Variants in SWI5 observed in about 807,000 individuals in gnomAD.
SWI5 encodes the protein DNA repair protein SWI5 homolog.
Under a neutral mutation model 17.0 loss-of-function variants are expected in SWI5, and 12 were observed. The observed-to-expected ratio is 0.71, with a 90% CI of 0.45 to 1.14. SWI5 has a LOEUF of 1.14. Ranked by LOEUF, SWI5 falls within the 50% of genes most tolerant of loss-of-function variation. The pLI is 0.00. For missense variants in SWI5, 158 were observed against 162.2 expected, an observed-to-expected ratio of 0.97 and a Z score of 0.14; for synonymous variants, 61 against 64.0, an observed-to-expected ratio of 0.95 and a Z score of 0.22.
intron 2 of SWI5, among the ~76,000 whole-genome samples, chr9:128,284,040 G>A (rs1473664488): frequency 6.6e-6 from 1 of 152,008 alleles, no homozygotes; most frequent in Non-Finnish European, 1.5e-5. Context: ...GCTCATGCCT[G>A]TAATCCCAGC....
chr9:128,288,729 C>T (rs756115493), exon 5 of SWI5: 34 of 1,614,010 alleles, frequency 2.1e-5, no homozygotes, highest in Non-Finnish European at 2.7e-5. Flanking sequence ...AGGCTCATCG[C>T]CCCTTGTCCA....
At chr9:128,281,436 T>G (rs951026950) in intron 2 of SWI5, among the ~76,000 whole-genome samples, 1 of 152,092 alleles carries the variant, frequency 6.6e-6, no homozygotes, top group African/African-American at 2.4e-5. Context: ...CTTCCACCTT[T>G]CTGCCAAGCT....
chr9:128,284,181 C>T (rs1051583943), intron 2 of SWI5, among the ~76,000 whole-genome samples: 60 of 148,832 alleles, frequency 4.0e-4, no homozygotes, highest in African/African-American at 1.1e-3. Flanking sequence ...CCCAGCTACT[C>T]GGGAGGCTGA....
intron 2 of SWI5, among the ~76,000 whole-genome samples, chr9:128,279,237 C>T (rs888837202): frequency 1.3e-5 from 2 of 152,182 alleles, no homozygotes; most frequent in African/African-American, 2.4e-5. Flanking sequence ...TCCAGCCCTA[C>T]GGGGCTTGGT....
exon 5 of SWI5, chr9:128,288,761 TG>T (rs1831689674): frequency 6.2e-7 from 1 of 1,604,942 alleles, no homozygotes; most frequent in Admixed American, 1.7e-5. Flanking sequence ...GACAGAAGGG[TG>T]TGGACATGAT....
intron 4 of SWI5, among the ~76,000 whole-genome samples, chr9:128,287,098 G>T (rs1458637282): frequency 7.1e-6 from 1 of 141,632 alleles, no homozygotes; most frequent in African/African-American, 2.7e-5. Flanking sequence ...CTGAGATCAT[G>T]CCATTGCACT....
intron 1 of SWI5, 117 bp downstream of exon 1, chr9:128,276,519 G>C (rs1359571321): frequency 1.1e-5 from 17 of 1,567,222 alleles, no homozygotes; most frequent in Non-Finnish European, 1.4e-5. Flanking sequence ...GACAACCCCC[G>C]TCTCAGAACG....
chr9:128,288,420 G>A (rs1831681852), intron 4 of SWI5, among the ~76,000 whole-genome samples: 1 of 152,210 alleles, frequency 6.6e-6, no homozygotes, highest in South Asian at 2.1e-4. Flanking sequence ...TGAATACAGT[G>A]GCTGGCACAT....
At chr9:128,275,582 T>G, upstream of SWI5, 1 of 1,079,230 alleles carries the variant, frequency 9.3e-7, no homozygotes, top group Non-Finnish European at 1.2e-6. Context: ...GCTGGGGTCC[T>G]AGGTCCTTGG....
chr9:128,277,538 A>G (rs1468739017), intron 2 of SWI5, among the ~76,000 whole-genome samples: 1 of 152,218 alleles, frequency 6.6e-6, no homozygotes, highest in Non-Finnish European at 1.5e-5. Flanking sequence ...TGGACAACAG[A>G]GCTAGACAAG....
chr9:128,278,215 C>T (rs1306605263), intron 2 of SWI5, among the ~76,000 whole-genome samples: 1 of 152,076 alleles, frequency 6.6e-6, no homozygotes, highest in East Asian at 1.9e-4. Flanking sequence ...CTCGGCCTCC[C>T]AAAGTGCTGG....
chr9:128,282,065 C>T (rs1469017904), intron 2 of SWI5, among the ~76,000 whole-genome samples: 1 of 152,050 alleles, frequency 6.6e-6, no homozygotes, highest in African/African-American at 2.4e-5. Flanking sequence ...GATGACAGAG[C>T]GAGACAGACC....
At chr9:128,287,219 G>A (rs1787047137) in intron 4 of SWI5, among the ~76,000 whole-genome samples, 1 of 151,158 alleles carries the variant, frequency 6.6e-6, no homozygotes, top group Non-Finnish European at 1.5e-5. Context: ...GGCCGAGGCA[G>A]GTGGATGACA....
intron 2 of SWI5, chr9:128,278,769 T>G (rs1011393780): frequency 2.4e-5 from 10 of 424,146 alleles, no homozygotes; most frequent in South Asian, 5.2e-5. Context: ...TTGTTTTTGG[T>G]TTTTTTTGTT....
At chr9:128,276,318 G>A in exon 1 of SWI5, 1 of 1,613,190 alleles carries the variant, frequency 6.2e-7, no homozygotes, top group Admixed American at 1.7e-5. Flanking sequence ...GTGCACCTGA[G>A]AGGTCGCTCT....
intron 2 of SWI5, chr9:128,278,550 C>T (rs1489341518): frequency 3.6e-5 from 16 of 444,424 alleles, no homozygotes; most frequent in Admixed American, 2.1e-4. Context: ...GGCAACAGAG[C>T]GAAACTCCAT....
rs892751629 is a variant in SWI5 at position 128,279,915 on chromosome 9, T to A, written c.111+3160T>A. Among the ~76,000 whole-genome samples, 7 of 152,160 alleles carry A rather than the reference T, an allele frequency of 4.6e-5. No individual in the cohort carries two copies. The East Asian group carries it at 1.3e-3, about 29-fold the overall frequency. ...ATGCAGGTGTGACAGAGGGCTCACC[T>A]CTTGCCTTCTAGGTCACTTCTCACA... On this transcript the variant is annotated intron_variant, in intron 2 of 4. Coordinates refer to ENST00000418976, the Ensembl canonical transcript of SWI5.
upstream of SWI5, chr9:128,275,789 G>A: frequency 1.5e-6 from 1 of 661,876 alleles, no homozygotes; most frequent in South Asian, 2.0e-5. Context: ...GCCGTGGGGA[G>A]CCCAGCCCGG....
At chr9:128,279,209 G>T (rs1242015847) in intron 2 of SWI5, among the ~76,000 whole-genome samples, 1 of 152,180 alleles carries the variant, frequency 6.6e-6, no homozygotes, top group Non-Finnish European at 1.5e-5. Flanking sequence ...TGAGGTAAAT[G>T]TGGGCATTTC....
Sources: gnomAD v4.1 joint callset for allele counts (sites outside exome capture counted in the v4.1 genomes callset) on GRCh38, gnomAD v4.1.1 for gene constraint, MANE v1.5 for transcripts, NCBI Gene and HGNC (gene_info 2026-07-23, HGNC 2026-07-21) for gene names.